Variants in M1AP observed in about 807,000 individuals in gnomAD.
M1AP encodes meiosis 1 associated protein.
M1AP carries 39 observed loss-of-function variants against 51.2 expected under a neutral mutation model. The ratio of observed to expected loss-of-function variants is 0.76; its 90% CI spans 0.59 to 1.00. The LOEUF is 1.00. Ranked by LOEUF, M1AP falls within the 50% of genes least tolerant of loss-of-function variation. M1AP has a pLI of 0.00. For synonymous variants in M1AP, 251 were observed against 249.2 expected (o/e 1.01, Z -0.07); for missense variants, 545 against 641.2 (o/e 0.85, Z 1.62).
intron 2 of M1AP, among the ~76,000 whole-genome samples, chr2:74,637,466 C>A (rs762253331): frequency 9.2e-5 from 14 of 152,166 alleles, no homozygotes; most frequent in Non-Finnish European, 1.6e-4. Flanking sequence ...CTTCTTTGCA[C>A]ACCTATTTAA....
In M1AP at chr2:74,641,074, T is replaced by G. The variant is rs1243536829; in HGVS notation, c.-52-747A>C. ...GTACCTAACGAATAATTCTTAAAAA[T>G]GAAAATATGACTACATTTCTCCTTG... On this transcript the variant is annotated intron_variant, in intron 1 of 10. Coordinates refer to ENST00000421985, the MANE Select transcript of M1AP (RefSeq NM_001321739.2). Among the ~76,000 whole-genome samples the G allele has an allele frequency of 2.6e-5, 4 of 152,294 alleles. No individual in the cohort carries two copies. The South Asian group carries it at 8.3e-4, about 32-fold the overall frequency.
chr2:74,558,830 G>A lies in M1AP; in HGVS notation c.1479C>T (p.Pro493=), dbSNP rs1281914345. 2 of 1,606,216 alleles carry A rather than the reference G, an allele frequency of 1.2e-6. No homozygotes were observed. Among genetic ancestry groups the A allele is most frequent in the East Asian group, 2.3e-5 (1 of 44,196 alleles). Residue 493 remains proline (P), a synonymous_variant, in exon 11 of 11, where the codon CCC becomes CCT. Coordinates refer to ENST00000421985, the MANE Select transcript of M1AP (RefSeq NM_001321739.2). ...QTNRARATVA[P]LPMTPVPGRA... ...TGCCTGGGACAGGAGTCATAGGCAGGGGGGCCACAGTAGCTCGAGCTCGGT... is the reference window on the plus strand; with the variant it reads ...TGCCTGGGACAGGAGTCATAGGCAGAGGGGCCACAGTAGCTCGAGCTCGGT...
intron 2 of M1AP, among the ~76,000 whole-genome samples, chr2:74,622,844 C>T (rs778960550): frequency 1.3e-5 from 2 of 150,002 alleles, no homozygotes; most frequent in Non-Finnish European, 3.0e-5. Context: ...GGGAGATGAT[C>T]GGAGTTAAAG....
intron 2 of M1AP, among the ~76,000 whole-genome samples, chr2:74,626,043 AC>A (rs1346231950): frequency 1.3e-5 from 2 of 152,174 alleles, no homozygotes; most frequent in Non-Finnish European, 1.5e-5. Flanking sequence ...CTGCAGACCA[AC>A]TTTAGCCTTG....
At chr2:74,646,273 G>A (rs528289612) in intron 1 of M1AP, among the ~76,000 whole-genome samples, 3 of 152,240 alleles carry the variant, frequency 2.0e-5, no homozygotes, top group South Asian at 4.1e-4. Context: ...GAAACTAGCC[G>A]ATAAAAGGAG....
At chr2:74,578,255 C>T (rs1478324001) in intron 5 of M1AP, among the ~76,000 whole-genome samples, 1 of 152,186 alleles carries the variant, frequency 6.6e-6, no homozygotes, top group African/African-American at 2.4e-5. Context: ...GGGTGAAGCC[C>T]AGACACTGGT....
intron 7 of M1AP, among the ~76,000 whole-genome samples, chr2:74,569,491 G>A (rs746641036): frequency 6.7e-6 from 1 of 149,398 alleles, no homozygotes; most frequent in Admixed American, 6.8e-5. Context: ...AGTGATTCTC[G>A]CGCCTCCCGA....
chr2:74,599,089 C>T (rs112865811), intron 4 of M1AP, among the ~76,000 whole-genome samples: 5,659 of 152,086 alleles, frequency 0.037, 330 homozygotes, highest in African/African-American at 0.13. Context: ...ATCAACCTGG[C>T]CAACATGGTG....
In M1AP at chr2:74,566,771, T is replaced by C. The variant is rs569066011; in HGVS notation, c.1075-4348A>G. On this transcript the variant is annotated intron_variant, in intron 7 of 10. Coordinates refer to ENST00000421985, the MANE Select transcript of M1AP (RefSeq NM_001321739.2). ...AGTCTTTGCCTATTTAACCAAGCAC[T>C]TTCCATCTCCCCACCCAGTTATAGC... Among the ~76,000 whole-genome samples the C allele has an allele frequency of 2.0e-5, 3 of 152,030 alleles. No individual in the cohort carries two copies. The South Asian group carries it at 6.2e-4, about 32-fold the overall frequency.
chr2:74,641,766 G>A (rs563017294), intron 1 of M1AP, among the ~76,000 whole-genome samples: 8 of 150,822 alleles, frequency 5.3e-5, no homozygotes, highest in South Asian at 2.1e-4. Flanking sequence ...GTGAGCCACC[G>A]CGCCCAGCCA....
At chr2:74,642,322 G>A (rs1231455512) in intron 1 of M1AP, among the ~76,000 whole-genome samples, 9 of 151,120 alleles carry the variant, frequency 6.0e-5, no homozygotes, top group African/African-American at 1.9e-4. Flanking sequence ...AGAACATAAG[G>A]TTGATATAAC....
chr2:74,595,772 G>A (rs924004717), intron 4 of M1AP, among the ~76,000 whole-genome samples: 2 of 152,112 alleles, frequency 1.3e-5, no homozygotes, highest in Admixed American at 1.3e-4. Flanking sequence ...TACATGAAAT[G>A]GTACTATATA....
At chr2:74,632,942 C>T (rs1220877408) in intron 2 of M1AP, among the ~76,000 whole-genome samples, 1 of 152,082 alleles carries the variant, frequency 6.6e-6, no homozygotes, top group African/African-American at 2.4e-5. Context: ...AATCCTTTTA[C>T]CCTTGTTTGG....
intron 3 of M1AP, among the ~76,000 whole-genome samples, chr2:74,607,735 G>C (rs148819835): frequency 0.012 from 1,860 of 152,156 alleles, 35 homozygotes; most frequent in African/African-American, 0.043. Context: ...CGGCCTCCCA[G>C]AGTGCTGGGA....
At chr2:74,621,290 C>T (rs1040270575) in intron 2 of M1AP, among the ~76,000 whole-genome samples, 1 of 149,734 alleles carries the variant, frequency 6.7e-6, no homozygotes, top group Non-Finnish European at 1.5e-5. Flanking sequence ...TCAAAAAAAA[C>T]CCCAAAAAAC....
chr2:74,589,819 A>G (rs1015881159), intron 4 of M1AP, among the ~76,000 whole-genome samples: 1 of 152,230 alleles, frequency 6.6e-6, no homozygotes, highest in African/African-American at 2.4e-5. Flanking sequence ...GAAAAAAATA[A>G]TTGACTGTTA....
intron 7 of M1AP, among the ~76,000 whole-genome samples, chr2:74,570,829 T>G (rs183842925): frequency 1.1e-4 from 17 of 152,192 alleles, no homozygotes; most frequent in Admixed American, 1.1e-3. Flanking sequence ...ACAAAGTATT[T>G]TTCAGCTGAG....
intron 7 of M1AP, among the ~76,000 whole-genome samples, chr2:74,570,807 C>A (rs1217749635): frequency 6.6e-6 from 1 of 151,796 alleles, no homozygotes; most frequent in Non-Finnish European, 1.5e-5. Context: ...TATGGATAAA[C>A]AATAGTAAGC....
chr2:74,639,863 AC>A (rs1342457523), intron 2 of M1AP, among the ~76,000 whole-genome samples, 172 bp downstream of exon 2: 2 of 152,044 alleles, frequency 1.3e-5, no homozygotes, highest in Non-Finnish European at 2.9e-5. Context: ...AACAGTACAC[AC>A]CCCTATATAT....
Sources: allele counts gnomAD v4.1 joint callset (sites outside exome capture counted in the v4.1 genomes callset), GRCh38; gene constraint gnomAD v4.1.1; transcripts MANE v1.5; gene names NCBI Gene and HGNC (gene_info 2026-07-23, HGNC 2026-07-21).